The following DPP8 variants were observed in gnomAD, a reference collection of about 807,000 sequenced individuals.
DPP8 encodes DPP VIII.
A neutral mutation model predicts 107.5 loss-of-function variants in DPP8; 31 were observed. That is an observed-to-expected ratio of 0.29 (90% CI 0.22 to 0.39). DPP8 has a LOEUF of 0.39. Among genes scored for constraint, DPP8 ranks in the 10% least tolerant of loss-of-function variants. DPP8 has a pLI of 1.00. For missense variants in DPP8, 842 were observed against 1,076.1 expected (o/e 0.78, Z 3.04); for synonymous variants, 381 against 356.6 (o/e 1.07, Z -0.77).
intron 15 of DPP8, among the ~76,000 whole-genome samples, chr15:65,460,969 T>C (rs1227232188): frequency 6.6e-6 from 1 of 152,200 alleles, no homozygotes; most frequent in East Asian, 1.9e-4. Flanking sequence ...AGGGTTCCAA[T>C]TCCTCTACAT....
intron 14 of DPP8, among the ~76,000 whole-genome samples, chr15:65,465,449 T>G (rs535963357): frequency 6.6e-6 from 1 of 152,132 alleles, no homozygotes; most frequent in South Asian, 2.1e-4. Flanking sequence ...ATTACAGGCA[T>G]GAGCCACTAC....
rs750980484 is a variant in DPP8, at chr15:65,512,504, G to A, written c.50C>T (p.Thr17Ile). The change falls in exon 2 of 20, where the codon ACT (threonine) becomes ATT (isoleucine). Residue 17 changes from threonine (T) to isoleucine (I), a missense_variant. Thr to Ile is a moderately conservative substitution (Grantham distance 89). This residue lies in a region of DPP8 where 663 missense variants were observed against 758.0 expected (regional missense o/e 0.87). Coordinates refer to ENST00000300141, the MANE Select transcript of DPP8 (RefSeq NM_130434.5). The part of the protein sequence containing the change: ...TEQLGVEIFE[T>I]ADCEENIESQ... ...TTCAATATTCTCCTCACAGTCCGCAGTTTCAAATATCTCAACACCCAGCTG... is the reference window on the plus strand; with the variant it reads ...TTCAATATTCTCCTCACAGTCCGCAATTTCAAATATCTCAACACCCAGCTG... The A allele has an allele frequency of 1.2e-5, 20 of 1,614,090 alleles. No homozygotes were observed. Among genetic ancestry groups the A allele is most frequent in the Middle Eastern group, 3.3e-4 (2 of 6,062 alleles).
chr15:65,488,632 A>G (rs375895056), intron 6 of DPP8, among the ~76,000 whole-genome samples: 5,344 of 147,430 alleles, frequency 0.036, 378 homozygotes, highest in African/African-American at 0.13. Context: ...AAAAAAACCC[A>G]AAAACAAAAA....
At chr15:65,505,632 T>G (rs2069862289) in intron 3 of DPP8, among the ~76,000 whole-genome samples, 1 of 152,098 alleles carries the variant, frequency 6.6e-6, no homozygotes, top group Non-Finnish European at 1.5e-5. Context: ...AAGGGCAATG[T>G]TCATGACAAA....
intron 12 of DPP8, among the ~76,000 whole-genome samples, chr15:65,473,830 G>A (rs755724359): frequency 2.0e-5 from 3 of 152,128 alleles, no homozygotes; most frequent in Non-Finnish European, 2.9e-5. Flanking sequence ...TCGGCTGGGC[G>A]CAGTGGCTCA....
At chr15:65,449,893 A>C (rs1174239580) in intron 19 of DPP8, among the ~76,000 whole-genome samples, 1 of 152,040 alleles carries the variant, frequency 6.6e-6, no homozygotes, top group African/African-American at 2.4e-5. Context: ...TCAGTAAATT[A>C]TTTTTTGTTT....
intron 2 of DPP8, among the ~76,000 whole-genome samples, chr15:65,509,947 G>C (rs990767306): frequency 1.3e-5 from 2 of 152,100 alleles, no homozygotes; most frequent in African/African-American, 4.8e-5. Context: ...CTTAAGCCTG[G>C]GAGGTGGAGG....
At chr15:65,463,988 A>G in intron 14 of DPP8, 82 bp from the exon 15 acceptor site, 1 of 1,120,368 alleles carries the variant, frequency 8.9e-7, no homozygotes, top group South Asian at 1.7e-5. Context: ...CAAGATATTA[A>G]AAGTCAGCCC....
At chr15:65,476,109 A>G (rs907923065) in intron 11 of DPP8, among the ~76,000 whole-genome samples, 1 of 152,192 alleles carries the variant, frequency 6.6e-6, no homozygotes, top group Non-Finnish European at 1.5e-5. Context: ...CCTAAGGAAC[A>G]GCTTAAAAAG....
chr15:65,471,675 A>G (rs2065911752), intron 12 of DPP8, among the ~76,000 whole-genome samples: 1 of 152,024 alleles, frequency 6.6e-6, no homozygotes, highest in Non-Finnish European at 1.5e-5. Flanking sequence ...TTTTGCAGAG[A>G]CGGAGTCTCA....
intron 15 of DPP8, among the ~76,000 whole-genome samples, chr15:65,457,644 T>C (rs990084772): frequency 2.0e-5 from 3 of 152,236 alleles, no homozygotes; most frequent in Admixed American, 6.5e-5. Flanking sequence ...GTTCACTGGG[T>C]ATCCTCACTG....
rs1252095877 is a variant in DPP8 at position 65,442,571 on chromosome 15, A to AAACCCAT, written c.*4306_*4312dup. On this transcript the variant is annotated 3_prime_UTR_variant, in exon 20 of 20. Transcript: ENST00000300141. ...AAAAGCCATATACCTAAAAATGAGAAAACCCATAAGCTTACTGGAGACATG... is the reference window on the plus strand; with the variant it reads ...AAAAGCCATATACCTAAAAATGAGAAAACCCATAACCCATAAGCTTACTGGAGACATG... 1.3e-5 allele frequency: 2 copies of AAACCCAT among 152,234 alleles called. No homozygotes were observed. The highest frequency in any genetic ancestry group is 2.4e-5 in the African/African-American group (1 of 41,460). 9.4% of individuals were successfully genotyped at this position (152,234 alleles called of 1,614,324 possible).
intron 15 of DPP8, among the ~76,000 whole-genome samples, chr15:65,459,942 G>A (rs571723380): frequency 2.0e-5 from 3 of 151,252 alleles, no homozygotes; most frequent in Non-Finnish European, 2.9e-5. Flanking sequence ...GCAACACAGC[G>A]AGACTCCATC....
chr15:65,486,126 G>A (rs549697624), intron 7 of DPP8, among the ~76,000 whole-genome samples: 8 of 147,880 alleles, frequency 5.4e-5, no homozygotes, highest in East Asian at 4.0e-4. Context: ...AAAAACGGCC[G>A]GGCGCAGTGG....
In DPP8 at chr15:65,448,736, T is replaced by C. The variant is rs533678738; in HGVS notation, c.2527-1730A>G. Among the ~76,000 whole-genome samples the C allele has an allele frequency of 4.4e-3, 546 of 125,250 alleles. 8 individuals are homozygous for C. Among genetic ancestry groups the C allele is most frequent in the African/African-American group, 0.018 (519 of 28,656 alleles). The allele number at this position is 125,250 out of a possible 152,430, so 82.2% of individuals were successfully genotyped here. A position where few individuals can be genotyped will look rare whatever the true frequency, so the allele number is the denominator to read the frequency against. On this transcript the variant is annotated intron_variant, in intron 19 of 19. Transcript: ENST00000300141. ...TACATATATATATAAAATATACATA[T>C]ATATCTAAAATATACATATATATCT...
At position 65,512,949 on chromosome 15, in the gene DPP8, G is replaced by A. The variant is rs1192333116; in HGVS notation, c.-11-385C>T. The A allele has an allele frequency of 2.2e-5, 4 of 183,342 alleles. No homozygotes were observed. In the East Asian group the frequency reaches 5.9e-4, roughly 27 times the overall value. 11.4% of individuals were successfully genotyped at this position (183,342 alleles called of 1,614,324 possible). On this transcript the variant is annotated intron_variant, in intron 1 of 19. Coordinates refer to ENST00000300141, the MANE Select transcript of DPP8 (RefSeq NM_130434.5). The stretch of plus-strand genomic sequence containing the variant: ...TCAATAGTGAAGCTAACTCTGCCAA[G>A]GAAGCTAAGTGTTTTGCATTTTAAA...
intron 3 of DPP8, among the ~76,000 whole-genome samples, chr15:65,504,870 C>A (rs1193544480): frequency 2.6e-5 from 4 of 151,974 alleles, no homozygotes; most frequent in African/African-American, 9.7e-5. Flanking sequence ...GTAGTCCCAG[C>A]TACTCAGGAG....
chr15:65,495,454 A>G (rs1050517224), intron 5 of DPP8, among the ~76,000 whole-genome samples: 1 of 152,030 alleles, frequency 6.6e-6, no homozygotes, highest in Non-Finnish European at 1.5e-5. Context: ...AAATACAAAA[A>G]TTAACCAGGT....
intron 5 of DPP8, among the ~76,000 whole-genome samples, chr15:65,495,281 T>G (rs556275031): frequency 6.6e-6 from 1 of 152,180 alleles, no homozygotes; most frequent in African/African-American, 2.4e-5. Flanking sequence ...AAGCCTTCCC[T>G]GACCACTGTC....
Sources: gnomAD v4.1 joint callset for allele counts (sites outside exome capture counted in the v4.1 genomes callset) on GRCh38, gnomAD v4.1.1 for gene constraint, gnomAD v4.1.1 regional missense constraint, MANE v1.5 for transcripts, NCBI Gene and HGNC (gene_info 2026-07-23, HGNC 2026-07-21) for gene names.